The following NTRK1 variants were observed in gnomAD, a reference collection of about 807,000 sequenced individuals.
NTRK1 encodes the protein neurotrophic receptor tyrosine kinase 1.
A neutral mutation model predicts 86.8 loss-of-function variants in NTRK1; 62 were observed. The observed-to-expected ratio is 0.71, with a 90% CI of 0.58 to 0.88. The LOEUF is 0.88. NTRK1 is among the 40% of genes least tolerant of loss of function. The probability of loss-of-function intolerance (pLI) is 0.00; values close to 1 mark genes in which losing one functional copy is unlikely to be tolerated. For missense variants in NTRK1, 967 were observed against 1,078.4 expected (o/e 0.90, Z 1.45); for synonymous variants, 469 against 456.6 (o/e 1.03, Z -0.35).
chr1:156,879,192 C>T lies in NTRK1; in HGVS notation c.1876C>T (p.Gln626Ter), dbSNP rs1381516878. Residue 626 changes from glutamine (Q) to a stop codon, truncating the protein, a stop_gained, in exon 15 of 17, where the codon CAG (glutamine) becomes TAG (stop). Coordinates refer to ENST00000524377, the MANE Select transcript of NTRK1 (RefSeq NM_002529.4). LOFTEE classifies it high-confidence loss of function. ...GGCTCCAGGCCCCCTGGGTCTGGGG[C>T]AGCTGCTGGCCGTGGCTAGCCAGGT... ...DVAPGPLGLG[Q>*]LLAVASQVAA... 1 of 1,613,184 alleles carries T rather than the reference C, an allele frequency of 6.2e-7. No individual in the cohort carries two copies. The highest frequency in any genetic ancestry group is 8.5e-7 in the Non-Finnish European group (1 of 1,179,250).
intron 1 of NTRK1, among the ~76,000 whole-genome samples, chr1:156,820,676 G>T (rs1352760223): frequency 2.6e-5 from 4 of 152,190 alleles, no homozygotes; most frequent in African/African-American, 9.7e-5. Flanking sequence ...ATGCAGTTTT[G>T]ATAACTATAG....
rs1193732633 is a variant in NTRK1 at position 156,874,491 on chromosome 1, C to G, written c.1196-80C>G. The stretch of plus-strand genomic sequence containing the variant: ...ACAGCTGAACTGATCCCTGAGAGAC[C>G]AGCTGGGGCCAGGGTTGGGGGGTTA... On this transcript the variant is annotated intron_variant, in intron 9 of 16. Transcript: ENST00000524377. 5.6e-6 allele frequency: 9 copies of G among 1,611,830 alleles called. No individual in the cohort carries two copies. In the Admixed American group the frequency reaches 1.3e-4, roughly 24 times the overall value.
intron 14 of NTRK1, among the ~76,000 whole-genome samples, chr1:156,876,968 T>C (rs1296947541): frequency 2.0e-5 from 3 of 152,246 alleles, no homozygotes; most frequent in African/African-American, 4.8e-5. Context: ...TTCCAGGTGC[T>C]ATGTTATATA....
exon 2 of NTRK1, chr1:156,842,169 G>A (rs756862919): frequency 5.6e-6 from 9 of 1,613,982 alleles, no homozygotes; most frequent in South Asian, 2.2e-5. Flanking sequence ...GCTAGATCTC[G>A]GTGCACAAAC....
intron 1 of NTRK1, among the ~76,000 whole-genome samples, chr1:156,826,228 A>C (rs956577943): frequency 1.3e-5 from 2 of 149,820 alleles, no homozygotes; most frequent in Admixed American, 1.3e-4. Context: ...CCCTTTTCAA[A>C]CTTTTTTTGG....
rs146718843 is a variant in NTRK1 at position 156,816,008 on chromosome 1, C to A, written c.-64+170C>A. ...TGCCGCCCCAGGTTTCCACTCACCG[C>A]AGTGTAGCCCAGGTTCTGGCAGCTC... On this transcript the variant is annotated intron_variant, in intron 1 of 16. Coordinates refer to the NTRK1 transcript ENST00000392302. The A allele has an allele frequency of 1.8e-4, 285 of 1,613,708 alleles. No homozygotes were observed. The African/African-American group carries it at 3.4e-3, about 19-fold the overall frequency.
chr1:156,841,538 T>G (rs1476386245), intron 1 of NTRK1: 1 of 1,613,940 alleles, frequency 6.2e-7, no homozygotes, highest in Non-Finnish European at 8.5e-7. Context: ...CCTGGGGGCA[T>G]GCAGGAGCTC....
chr1:156,845,002 T>C, intron 2 of NTRK1: 2 of 1,535,506 alleles, frequency 1.3e-6, no homozygotes, highest in East Asian at 4.7e-5. Context: ...TAGCGAGAAG[T>C]CAAACCCCAA....
chr1:156,842,500 G>C (rs370511640), intron 2 of NTRK1: 5 of 1,613,766 alleles, frequency 3.1e-6, no homozygotes, highest in Non-Finnish European at 3.4e-6. Flanking sequence ...CCACACCCAG[G>C]AGACGCACCT....
intron 2 of NTRK1, chr1:156,846,437 C>A: frequency 1.7e-6 from 2 of 1,158,838 alleles, no homozygotes; most frequent in Non-Finnish European, 1.3e-6. Flanking sequence ...AGTGCCCCGG[C>A]TTCTCTATTT....
At chr1:156,850,531 A>AT (rs1655167936) in intron 2 of NTRK1, among the ~76,000 whole-genome samples, 14 of 96,994 alleles carry the variant, frequency 1.4e-4, no homozygotes, top group African/African-American at 3.9e-4. Flanking sequence ...AATTTAAAAC[A>AT]TTCTTTTTTT....
At chr1:156,862,110 A>G (rs1655679459) in intron 1 of NTRK1, among the ~76,000 whole-genome samples, 1 of 152,168 alleles carries the variant, frequency 6.6e-6, no homozygotes, top group South Asian at 2.1e-4. Context: ...TCGAGGGTGG[A>G]CAAGGAACCT....
At chr1:156,851,690 C>T in intron 2 of NTRK1, 4 of 1,614,184 alleles carry the variant, frequency 2.5e-6, no homozygotes, top group Non-Finnish European at 3.4e-6. Flanking sequence ...CACATGCGTG[C>T]AGCCCACAAG....
chr1:156,846,842 T>A, intron 2 of NTRK1: 1 of 1,105,206 alleles, frequency 9.0e-7, no homozygotes, highest in Non-Finnish European at 1.4e-6. Flanking sequence ...CCCAGGACTG[T>A]CATTGTCCTT....
Position 156,861,124 on chromosome 1 carries a change from G to C in NTRK1, c.190G>C (p.Gly64Arg), listed in dbSNP as rs753992251. Residue 64 changes from glycine (G) to arginine (R), a missense_variant, in exon 1 of 17, where the codon GGC (glycine) becomes CGC (arginine). By Grantham distance (125) the Gly-to-Arg change is moderately radical. Transcript: ENST00000524377. ...GALDSLHHLPGAENLTELYIE... is the reference protein window; with the variant it reads ...GALDSLHHLPRAENLTELYIE... ...CCTGGATAGCCTCCACCACCTGCCCGGCGCAGAGAACCTGACTGAGCTGTG... is the reference window on the plus strand; with the variant it reads ...CCTGGATAGCCTCCACCACCTGCCCCGCGCAGAGAACCTGACTGAGCTGTG... The C allele has an allele frequency of 6.3e-7, 1 of 1,580,844 alleles. No homozygotes were observed. Among genetic ancestry groups the C allele is most frequent in the East Asian group, 2.3e-5 (1 of 43,954 alleles).
Position 156,844,280 on chromosome 1 carries a change from T to G in NTRK1, c.50+2087T>G, listed in dbSNP as rs756289726. The stretch of plus-strand genomic sequence containing the variant: ...ATGCAGCCCCCCAGCATCCTCCTCC[T>G]CTGGCAGTCAGAGGGCAGCAGAGGG... On this transcript the variant is annotated intron_variant, in intron 2 of 16. Transcript: ENST00000392302. 7.4e-6 allele frequency: 12 copies of G among 1,611,712 alleles called. No homozygotes were observed. The East Asian group carries it at 2.5e-4, about 33-fold the overall frequency.
At chr1:156,841,191 G>T in intron 1 of NTRK1, 1 of 1,090,236 alleles carries the variant, frequency 9.2e-7, no homozygotes, top group Non-Finnish European at 1.4e-6. Flanking sequence ...GTTGGTGGGA[G>T]TGGGGATCGT....
At chr1:156,848,862 C>G (rs558443424) in intron 2 of NTRK1, 6 of 1,529,000 alleles carry the variant, frequency 3.9e-6, no homozygotes, top group Admixed American at 4.0e-5. Context: ...GCCTGTGGTC[C>G]CGAAGAAATT....
At chr1:156,851,187 G>T in intron 2 of NTRK1, 2 of 1,323,140 alleles carry the variant, frequency 1.5e-6, no homozygotes, top group Non-Finnish European at 2.2e-6. Context: ...CACGCCTAGT[G>T]AGTAGCAAAA....
Sources: allele counts gnomAD v4.1 joint callset (sites outside exome capture counted in the v4.1 genomes callset), GRCh38; gene constraint gnomAD v4.1.1; transcripts MANE v1.5; gene names NCBI Gene and HGNC (gene_info 2026-07-23, HGNC 2026-07-21).